Variants in RYR3 observed in about 807,000 individuals in gnomAD.
The protein encoded by RYR3 is ryanodine receptor 3.
In RYR3, 207 loss-of-function variants were observed where a neutral mutation model predicts 584.3. That is an observed-to-expected ratio of 0.35 (90% CI 0.32 to 0.40). The LOEUF (loss-of-function observed/expected upper bound fraction) is 0.40, where lower values mean the gene tolerates loss of function less well. RYR3 is among the 10% of genes least tolerant of loss of function. RYR3 has a pLI of 1.00. For synonymous variants in RYR3, 2,416 were observed against 2,248.5 expected (o/e 1.07, Z -2.11); for missense variants, 5,616 against 6,089.2 (o/e 0.92, Z 2.59).
chr15:33,729,164 A>C, intron 47 of RYR3, 138 bp downstream of exon 47: 1 of 741,948 alleles, frequency 1.3e-6, no homozygotes, highest in East Asian at 2.7e-5. Flanking sequence ...AAATAGAGGT[A>C]TCATGAAATG....
intron 10 of RYR3, among the ~76,000 whole-genome samples, chr15:33,551,935 C>T (rs542356632): frequency 9.2e-5 from 14 of 152,192 alleles, no homozygotes; most frequent in South Asian, 8.3e-4. Flanking sequence ...TGAAGGTGGG[C>T]GGCAGTAGAA....
intron 1 of RYR3, among the ~76,000 whole-genome samples, chr15:33,458,775 T>A (rs1471986169): frequency 6.6e-6 from 1 of 152,138 alleles, no homozygotes; most frequent in South Asian, 2.1e-4. Context: ...CAGGCTCTAT[T>A]TTAGAGTAAT....
intron 2 of RYR3, among the ~76,000 whole-genome samples, chr15:33,488,878 A>C (rs2050727486): frequency 6.6e-6 from 1 of 151,886 alleles, no homozygotes; most frequent in African/African-American, 2.4e-5. Context: ...ACAAACAAAA[A>C]CCCAAGTCAT....
chr15:33,761,330 A>C (rs1428556670), intron 60 of RYR3, among the ~76,000 whole-genome samples: 5 of 152,170 alleles, frequency 3.3e-5, no homozygotes, highest in Non-Finnish European at 7.3e-5. Flanking sequence ...TTTTTTGAAA[A>C]GATTAACAAA....
chr15:33,618,441 A>G (rs1046645088), intron 19 of RYR3, among the ~76,000 whole-genome samples: 2 of 152,050 alleles, frequency 1.3e-5, no homozygotes, highest in Admixed American at 6.5e-5. Flanking sequence ...ATGCTTCTTC[A>G]GAGAACATGA....
chr15:33,714,042 T>A (rs1567008016), intron 43 of RYR3, among the ~76,000 whole-genome samples: 1 of 152,154 alleles, frequency 6.6e-6, no homozygotes, highest in Non-Finnish European at 1.5e-5. Context: ...ATGAAGACCC[T>A]GAAGCTTAGA....
At chr15:33,824,244 C>A (rs550309533) in intron 81 of RYR3, among the ~76,000 whole-genome samples, 1 of 152,172 alleles carries the variant, frequency 6.6e-6, no homozygotes, top group African/African-American at 2.4e-5. Flanking sequence ...ATAATGACAG[C>A]TTGGAGAGAC....
rs780896166 is a variant in RYR3 at position 33,865,124 on chromosome 15, A to G, written c.14518-7A>G. The stretch of plus-strand genomic sequence containing the variant: ...AAAATAAGCACCCGTTGTTCATATT[A>G]TTTCAGGAATCTTATGTCTGGAAGA... On this transcript the variant is annotated splice_region_variant and splice_polypyrimidine_tract_variant and intron_variant, in intron 103 of 103. Coordinates refer to ENST00000634891, the MANE Select transcript of RYR3 (RefSeq NM_001036.6). 2.6e-5 allele frequency: 42 copies of G among 1,608,398 alleles called. No homozygotes were observed. The highest frequency in any genetic ancestry group is 5.5e-5 in the South Asian group (5 of 90,400).
At chr15:33,705,534 T>G (rs140151445) in intron 42 of RYR3, among the ~76,000 whole-genome samples, 2 of 152,232 alleles carry the variant, frequency 1.3e-5, no homozygotes, top group African/African-American at 4.8e-5. Context: ...GAAATTAGAA[T>G]AGCAACTGCG....
intron 1 of RYR3, among the ~76,000 whole-genome samples, chr15:33,397,670 G>T (rs1410961025): frequency 6.6e-6 from 1 of 152,198 alleles, no homozygotes; most frequent in Non-Finnish European, 1.5e-5. Context: ...TTGTTTTGCT[G>T]CCAGAGAAAA....
intron 1 of RYR3, among the ~76,000 whole-genome samples, chr15:33,425,550 C>T (rs1048300509): frequency 1.3e-5 from 2 of 151,622 alleles, no homozygotes; most frequent in Non-Finnish European, 2.9e-5. Flanking sequence ...TAAACACCAA[C>T]AAAATAACCC....
intron 60 of RYR3, among the ~76,000 whole-genome samples, 168 bp from the exon 61 acceptor site, chr15:33,768,490 G>A (rs74005993): frequency 0.011 from 1,689 of 152,316 alleles, 35 homozygotes; most frequent in African/African-American, 0.038. Flanking sequence ...AACCACACAT[G>A]TTCCTGAGTG....
Position 33,785,981 on chromosome 15 carries a change from A to G in RYR3, c.9588A>G (p.Ala3196=). The change falls in exon 66 of 104, where the codon GCA becomes GCG. Residue 3196 remains alanine (A), a splice_region_variant and synonymous_variant. Transcript: ENST00000634891. Reference sequence around the variant, plus strand: ...AGGCCTCCTGGATGAAGCGCATTGCAGGTACCGACCCCTTTCTCCCCAGTC... The same window carrying G: ...AGGCCTCCTGGATGAAGCGCATTGCGGGTACCGACCCCTTTCTCCCCAGTC... ...IDEASWMKRI[A]VYAQPIISKA... is the part of the protein sequence containing the mutation. The G allele has an allele frequency of 6.4e-7, 1 of 1,561,852 alleles. No individual in the cohort carries two copies. The highest frequency in any genetic ancestry group is 8.7e-7 in the Non-Finnish European group (1 of 1,150,662).
At position 33,731,482 on chromosome 15, in the gene RYR3, A is replaced by G. The variant is rs1399717810; in HGVS notation, c.7212A>G (p.Leu2404=). 1 of 1,610,624 alleles carries G rather than the reference A, an allele frequency of 6.2e-7. No individual in the cohort carries two copies. The highest frequency in any genetic ancestry group is 8.5e-7 in the Non-Finnish European group (1 of 1,178,160). ...RASASLDTVS[L]STTEAALALN... The stretch of plus-strand genomic sequence containing the variant: ...CAATCTTCTTTCTCTAGGTTTCCCT[A>G]AGCACCACAGAGGCTGCGCTTGCAC... Residue 2404 remains leucine (L), a synonymous_variant, in exon 48 of 104, where the codon CTA becomes CTG. Transcript: ENST00000634891.
chr15:33,424,862 C>T (rs1284661956), intron 1 of RYR3, among the ~76,000 whole-genome samples: 2 of 152,138 alleles, frequency 1.3e-5, no homozygotes, highest in Non-Finnish European at 1.5e-5. Flanking sequence ...CGTGTAGCCC[C>T]AGCTACTTGG....
At chr15:33,700,475 A>G (rs2066219883) in intron 41 of RYR3, among the ~76,000 whole-genome samples, 1 of 152,284 alleles carries the variant, frequency 6.6e-6, no homozygotes, top group Non-Finnish European at 1.5e-5. Context: ...CTCAAATGCA[A>G]CCTCAGGCTA....
chr15:33,756,960 C>G (rs551171040), intron 59 of RYR3, among the ~76,000 whole-genome samples: 3 of 152,248 alleles, frequency 2.0e-5, no homozygotes, highest in African/African-American at 7.2e-5. Context: ...ACGTTTTCTG[C>G]CTGGGTGGCT....
chr15:33,825,605 T>A lies in RYR3; in HGVS notation c.11075T>A (p.Val3692Asp). Residue 3692 changes from valine to aspartate, a missense_variant and splice_region_variant, in exon 82 of 104, where the codon GTC (valine) becomes GAC (aspartate). Coordinates refer to ENST00000634891, the MANE Select transcript of RYR3 (RefSeq NM_001036.6). ...SLSGLMQSCSVLDLNAFERQN... is the reference protein window; with the variant it reads ...SLSGLMQSCSDLDLNAFERQN... ...TGTTTCTTTCTGTCTATTAAAAGTG[T>A]CCTTGATTTGAATGCATTTGAGAGG... The A allele has an allele frequency of 6.2e-7, 1 of 1,609,822 alleles. No homozygotes were observed. The highest frequency in any genetic ancestry group is 8.5e-7 in the Non-Finnish European group (1 of 1,176,838).
At chr15:33,467,388 G>A (rs2048576828) in intron 1 of RYR3, 2 of 578,278 alleles carry the variant, frequency 3.5e-6, no homozygotes, top group Non-Finnish European at 4.4e-6. Flanking sequence ...TTCCTCACAG[G>A]TGACCCGTAG....
Sources: allele counts gnomAD v4.1 joint callset (sites outside exome capture counted in the v4.1 genomes callset), GRCh38; gene constraint gnomAD v4.1.1; transcripts MANE v1.5; gene names NCBI Gene and HGNC (gene_info 2026-07-23, HGNC 2026-07-21).